CTNNA2: variants seen among roughly 807,000 people sequenced by gnomAD.
The protein encoded by CTNNA2 is catenin alpha-2.
CTNNA2 carries 42 observed loss-of-function variants against 101.0 expected under a neutral mutation model. The ratio of observed to expected loss-of-function variants is 0.42; its 90% confidence interval spans 0.32 to 0.54. CTNNA2 has a LOEUF of 0.54. CTNNA2 is among the 20% of genes least tolerant of loss of function. The pLI is 0.14. For synonymous variants in CTNNA2, 450 were observed against 456.4 expected, an observed-to-expected ratio of 0.99 and a Z score of 0.18; for missense variants, 871 against 1,223.1, an observed-to-expected ratio of 0.71 and a Z score of 4.29.
At chr2:80,393,778 A>T (rs531593304) in intron 8 of CTNNA2, among the ~76,000 whole-genome samples, 1 of 152,272 alleles carries the variant, frequency 6.6e-6, no homozygotes, top group East Asian at 1.9e-4. Context: ...TGCTTATCAG[A>T]TGGTTGTTTG....
At chr2:79,300,649 T>C (rs1676086892) in intron 2 of CTNNA2, among the ~76,000 whole-genome samples, 1 of 152,202 alleles carries the variant, frequency 6.6e-6, no homozygotes, top group Non-Finnish European at 1.5e-5. Flanking sequence ...ACTCCTAAAT[T>C]TCTTAAGTTT....
chr2:80,425,685 T>C (rs2149416790), intron 9 of CTNNA2, among the ~76,000 whole-genome samples: 1 of 152,316 alleles, frequency 6.6e-6, no homozygotes, highest in East Asian at 1.9e-4. Context: ...GATAGTATAT[T>C]CAGTTTGCTA....
intron 9 of CTNNA2, among the ~76,000 whole-genome samples, chr2:80,532,509 G>T (rs921478520): frequency 3.9e-5 from 6 of 152,264 alleles, no homozygotes; most frequent in Admixed American, 2.0e-4. Flanking sequence ...GCTCCAAAGT[G>T]CAAGAGTAAT....
At chr2:79,284,592 G>T (rs1573027799) in intron 2 of CTNNA2, among the ~76,000 whole-genome samples, 1 of 149,684 alleles carries the variant, frequency 6.7e-6, no homozygotes, top group Admixed American at 6.6e-5. Flanking sequence ...AACCAGCCTT[G>T]CATCCCAGGG....
intron 4 of CTNNA2, chr2:79,500,841 C>A (rs974261406): frequency 6.6e-6 from 1 of 152,216 alleles, no homozygotes; most frequent in Non-Finnish European, 1.5e-5. Flanking sequence ...AGCTGCAGGC[C>A]TTCTTCGTCA....
chr2:79,249,424 A>T (rs1178613277), intron 2 of CTNNA2, among the ~76,000 whole-genome samples: 1 of 152,174 alleles, frequency 6.6e-6, no homozygotes, highest in Non-Finnish European at 1.5e-5. Context: ...GTATCACATC[A>T]CCTGGACGTT....
At chr2:79,367,364 G>A (rs2104452028) in intron 3 of CTNNA2, among the ~76,000 whole-genome samples, 1 of 152,212 alleles carries the variant, frequency 6.6e-6, no homozygotes, top group Non-Finnish European at 1.5e-5. Context: ...CCTGAAGGAG[G>A]TGAGAGAAAA....
intron 6 of CTNNA2, among the ~76,000 whole-genome samples, chr2:79,891,020 G>T (rs1684265203): frequency 6.6e-6 from 1 of 150,416 alleles, no homozygotes; most frequent in Non-Finnish European, 1.5e-5. Context: ...CTATCACTTT[G>T]GGTATTAAAT....
chr2:79,980,017 CTA>C lies in CTNNA2; in HGVS notation c.1056+70221_1056+70222del, dbSNP rs533423543. Among the ~76,000 whole-genome samples, 16 of 152,306 alleles carry C rather than the reference CTA, an allele frequency of 1.1e-4. No individual in the cohort carries two copies. In the East Asian group the frequency reaches 2.9e-3, roughly 28 times the overall value. On this transcript the variant is annotated intron_variant, in intron 7 of 18. Coordinates refer to ENST00000402739, the MANE Select transcript of CTNNA2 (RefSeq NM_001282597.3). ...ATGACCTCTAAGTGCTTCTCCATCTCTAAGTATCTAAGACTCATGCCTTATTC... is the reference window on the plus strand; with the variant it reads ...ATGACCTCTAAGTGCTTCTCCATCTCAGTATCTAAGACTCATGCCTTATTC...
At chr2:79,431,291 C>A (rs1678656796) in intron 4 of CTNNA2, among the ~76,000 whole-genome samples, 1 of 152,136 alleles carries the variant, frequency 6.6e-6, no homozygotes, top group African/African-American at 2.4e-5. Context: ...AGAATTGCAA[C>A]TACTTTATGA....
intron 2 of CTNNA2, among the ~76,000 whole-genome samples, chr2:79,689,712 G>T (rs929096345): frequency 3.9e-5 from 6 of 151,942 alleles, no homozygotes; most frequent in African/African-American, 7.2e-5. Flanking sequence ...ATGTAATTAT[G>T]CATTAATGTA....
chr2:79,815,903 T>G (rs949849946), intron 3 of CTNNA2, among the ~76,000 whole-genome samples: 3 of 152,152 alleles, frequency 2.0e-5, no homozygotes, highest in African/African-American at 7.2e-5. Flanking sequence ...ATGGTATGTG[T>G]TTCCATTTGT....
At chr2:80,079,520 A>T (rs1698978433) in intron 7 of CTNNA2, among the ~76,000 whole-genome samples, 1 of 152,244 alleles carries the variant, frequency 6.6e-6, no homozygotes, top group Non-Finnish European at 1.5e-5. Context: ...GATTAGTCTT[A>T]TCAAATGAGT....
At chr2:80,563,251 G>A (rs1693765958) in intron 12 of CTNNA2, among the ~76,000 whole-genome samples, 1 of 152,128 alleles carries the variant, frequency 6.6e-6, no homozygotes, top group Non-Finnish European at 1.5e-5. Flanking sequence ...TGGTCTGGAT[G>A]CTTTAATTGT....
At position 79,338,572 on chromosome 2, in the gene CTNNA2, C is replaced by CTCTTCT. The variant is rs1206814071; in HGVS notation, c.-318+25778_-318+25779insTTCTTC. Reference sequence around the variant, plus strand: ...ACCATTTTTCTTCTTCTTCTTCCTCCTCATCATCTTCTTCTTCTTCTTCTT... The same window carrying CTCTTCT: ...ACCATTTTTCTTCTTCTTCTTCCTCCTCTTCTTCATCATCTTCTTCTTCTTCTTCTT... On this transcript the variant is annotated intron_variant, in intron 3 of 21. Coordinates refer to the CTNNA2 transcript ENST00000466387. 4.9e-4 allele frequency among the ~76,000 whole-genome samples: 62 copies of CTCTTCT among 127,162 alleles called. 1 individual carries two copies. The highest frequency in any genetic ancestry group is 6.6e-4 in the Non-Finnish European group (40 of 60,674). 83.4% of individuals were successfully genotyped at this position (127,162 alleles called of 152,430 possible).
intron 1 of CTNNA2, among the ~76,000 whole-genome samples, chr2:79,531,061 T>C (rs987629139): frequency 1.3e-5 from 2 of 151,858 alleles, no homozygotes; most frequent in African/African-American, 4.8e-5. Flanking sequence ...CAGTTATGCT[T>C]TGCTTTATAT....
In CTNNA2 at chr2:79,280,646, T is replaced by TGTGTGTGTGTGG. The variant is rs1452812035; in HGVS notation, c.-405-32053_-405-32052insGGGTGTGTGTGT. Among the ~76,000 whole-genome samples, 922 of 136,132 alleles carry TGTGTGTGTGTGG rather than the reference T, an allele frequency of 6.8e-3. 7 individuals are homozygous for TGTGTGTGTGTGG. The highest frequency in any genetic ancestry group is 0.025 in the African/African-American group (863 of 34,768). The allele number at this position is 136,132 out of a possible 152,430, so 89.3% of individuals were successfully genotyped here. A position where few individuals can be genotyped will look rare whatever the true frequency, so the allele number is the denominator to read the frequency against. On this transcript the variant is annotated intron_variant, in intron 2 of 21. Transcript: ENST00000466387. ...TGCTGTGTGTGTGTGTGTGTGTGTG[T>TGTGTGTGTGTGG]GTGTGTGTGTAAGAGAAAGAGAGAG... is the stretch of plus-strand genomic sequence containing the variant.
intron 1 of CTNNA2, among the ~76,000 whole-genome samples, chr2:79,527,918 C>A (rs76393786): frequency 6.6e-6 from 1 of 152,122 alleles, no homozygotes; most frequent in Admixed American, 6.6e-5. Flanking sequence ...AATCTGATGT[C>A]TATTAATTGA....
At chr2:79,906,852 A>G (rs370375670) in intron 6 of CTNNA2, among the ~76,000 whole-genome samples, 2 of 152,232 alleles carry the variant, frequency 1.3e-5, no homozygotes, top group East Asian at 1.9e-4. Flanking sequence ...AGCATTTCAT[A>G]TGATAATTTG....
Sources: gnomAD v4.1 joint callset for allele counts (sites outside exome capture counted in the v4.1 genomes callset) on GRCh38, gnomAD v4.1.1 for gene constraint, MANE v1.5 for transcripts, NCBI Gene and HGNC (gene_info 2026-07-23, HGNC 2026-07-21) for gene names.